SNAPC5: variants seen among roughly 807,000 people sequenced by gnomAD.
SNAPC5 encodes the protein small nuclear RNA activating complex polypeptide 5.
SNAPC5 carries 12 observed loss-of-function variants against 9.1 expected under a neutral mutation model. The observed-to-expected ratio is 1.32, with a 90% CI of 0.85 to 2.15. The LOEUF is 2.15. SNAPC5 is among the 30% of genes most tolerant of loss of function. The pLI is 0.00. For missense variants in SNAPC5, 132 were observed against 114.4 expected, an observed-to-expected ratio of 1.15 and a Z score of -0.70; for synonymous variants, 52 against 47.3, an observed-to-expected ratio of 1.10 and a Z score of -0.41.
Position 66,494,511 on chromosome 15 carries a change from T to C in SNAPC5, c.222A>G (p.Thr74=), listed in dbSNP as rs1299523916. Residue 74 remains threonine, a synonymous_variant, in exon 3 of 3, where the codon ACA becomes ACG. Coordinates refer to ENST00000316634, the MANE Select transcript of SNAPC5 (RefSeq NM_001329615.2). ...HVDNEASINQ[T]TLELSTKSHV... ...GACTCTTTGTGCTCAGCTCCAGGGT[T>C]GTTTGGTTGATTGATGCTTCATTGT... The C allele has an allele frequency of 6.2e-7, 1 of 1,614,074 alleles. No individual in the cohort carries two copies. Among genetic ancestry groups the C allele is most frequent in the Non-Finnish European group, 8.5e-7 (1 of 1,180,002 alleles).
At chr15:66,496,778 C>T (rs548435637) in intron 1 of SNAPC5, among the ~76,000 whole-genome samples, 1 of 152,102 alleles carries the variant, frequency 6.6e-6, no homozygotes, top group East Asian at 2.0e-4. Flanking sequence ...ATCGCTTGAG[C>T]TCAGGAGTTC....
At chr15:66,492,759 A>C (rs775537519), downstream of SNAPC5, among the ~76,000 whole-genome samples, 7 of 152,046 alleles carry the variant, frequency 4.6e-5, no homozygotes, top group Non-Finnish European at 7.4e-5. Context: ...TGAGCTCCCA[A>C]TGCCAGATTC....
intron 1 of SNAPC5, among the ~76,000 whole-genome samples, chr15:66,496,201 C>T (rs536357865): frequency 1.3e-5 from 2 of 152,338 alleles, no homozygotes; most frequent in Non-Finnish European, 2.9e-5. Flanking sequence ...CCCAGTGGCT[C>T]ACGCCTGTAA....
chr15:66,496,255 C>CA (rs2140702589), intron 1 of SNAPC5, among the ~76,000 whole-genome samples: 1 of 152,296 alleles, frequency 6.6e-6, no homozygotes, highest in South Asian at 2.1e-4. Flanking sequence ...CACCTGAGGT[C>CA]AGGAGTTCGA....
intron 1 of SNAPC5, among the ~76,000 whole-genome samples, chr15:66,496,339 C>G (rs1442872631): frequency 6.6e-6 from 1 of 152,028 alleles, no homozygotes; most frequent in Non-Finnish European, 1.5e-5. Context: ...GTGGCACATG[C>G]CTGTAATCCC....
At chr15:66,492,185 T>C (rs780672398), downstream of SNAPC5, 8 of 388,098 alleles carry the variant, frequency 2.1e-5, no homozygotes, top group African/African-American at 4.2e-5. Context: ...GGGAACTTCT[T>C]TTAGGTACAT....
chr15:66,490,915 C>CA, downstream of SNAPC5: 4 of 489,890 alleles, frequency 8.2e-6, no homozygotes, highest in Non-Finnish European at 1.5e-5. Flanking sequence ...TGTGGGTAGT[C>CA]ATTCTTACAA....
downstream of SNAPC5, chr15:66,491,185 C>A: frequency 3.8e-6 from 1 of 265,428 alleles, no homozygotes; most frequent in Admixed American, 4.8e-5. Flanking sequence ...AGCCAGAGCC[C>A]TTCACTGCCA....
At chr15:66,491,376 T>C, downstream of SNAPC5, 1 of 232,698 alleles carries the variant, frequency 4.3e-6, no homozygotes, top group Non-Finnish European at 8.5e-6. Context: ...TATTAAAATG[T>C]CGGATTTATC....
In SNAPC5 at chr15:66,497,645, G is replaced by C. The variant is rs200539325; in HGVS notation, c.87C>G (p.Leu29=). The C allele has an allele frequency of 1.2e-4, 197 of 1,613,972 alleles. 2 individuals carry two copies. Among genetic ancestry groups the C allele is most frequent in the South Asian group, 7.7e-4 (70 of 91,080 alleles). Residue 29 remains leucine, a synonymous_variant, in exon 1 of 3, where the codon CTC becomes CTG. Coordinates refer to ENST00000316634, the MANE Select transcript of SNAPC5 (RefSeq NM_001329615.2). ...CAGGAGAGGGCCGCGGGGTCACCTT[G>C]AGGCGGTTCAGCTGGTCGTGCAGGG... ...KAALHDQLNR[L]KVEELALQSM...
downstream of SNAPC5, chr15:66,492,390 T>A (rs533503370): frequency 1.3e-4 from 25 of 197,022 alleles, no homozygotes; most frequent in Non-Finnish European, 2.3e-4. Flanking sequence ...GCCAGGATTT[T>A]AAAAAAATGA....
chr15:66,496,695 A>AT (rs900321678), intron 1 of SNAPC5, among the ~76,000 whole-genome samples: 54 of 150,886 alleles, frequency 3.6e-4, no homozygotes, highest in African/African-American at 9.0e-4. Context: ...GCTAATTTTA[A>AT]TTTTTTTTTG....
chr15:66,495,039 A>G (rs991830130), intron 2 of SNAPC5: 10 of 431,794 alleles, frequency 2.3e-5, no homozygotes, highest in Non-Finnish European at 3.8e-5. Context: ...ACATCGTCCT[A>G]CAAAAATCTC....
At chr15:66,496,154 C>T (rs1567031425) in intron 1 of SNAPC5, among the ~76,000 whole-genome samples, 1 of 151,306 alleles carries the variant, frequency 6.6e-6, no homozygotes, top group East Asian at 2.0e-4. Context: ...GTAATCCTCA[C>T]CTCATATGGA....
chr15:66,497,609 T>A, intron 1 of SNAPC5, 33 bp downstream of exon 1: 1 of 1,594,084 alleles, frequency 6.3e-7, no homozygotes, highest in Non-Finnish European at 8.6e-7. Flanking sequence ...TCGGGAGGAA[T>A]GGAGGAGGGG....
At chr15:66,491,222 C>G (rs1381014872), downstream of SNAPC5, 5 of 252,300 alleles carry the variant, frequency 2.0e-5, no homozygotes, top group East Asian at 2.3e-4. Context: ...ACCAGTCTGT[C>G]TACTGTGGTG....
rs1206518654 is a variant in SNAPC5, at chr15:66,493,748, G to T, written c.*688C>A. ...CCAGAAATGGATTTCAAACCATCCT[G>T]TTGTATCTTTTCCTCAGAGAAGGAA... On this transcript the variant is annotated 3_prime_UTR_variant, in exon 3 of 3. Transcript: ENST00000316634. 1 of 152,224 alleles carries T rather than the reference G, an allele frequency of 6.6e-6. No individual in the cohort carries two copies. Among genetic ancestry groups the T allele is most frequent in the Non-Finnish European group, 1.5e-5 (1 of 68,056 alleles). The allele number at this position is 152,224 out of a possible 1,614,324, so 9.4% of individuals were successfully genotyped here.
downstream of SNAPC5, chr15:66,491,669 C>T (rs570262152): frequency 8.2e-5 from 19 of 232,596 alleles, no homozygotes; most frequent in Non-Finnish European, 1.2e-4. Flanking sequence ...AACAGGACAC[C>T]GAGTTCAGTG....
intron 1 of SNAPC5, among the ~76,000 whole-genome samples, chr15:66,496,394 G>A (rs1893434937): frequency 1.3e-5 from 2 of 152,224 alleles, no homozygotes; most frequent in African/African-American, 4.8e-5. Flanking sequence ...GAACCCGGGA[G>A]GCGGAGGTTG....
Sources: gnomAD v4.1 joint callset for allele counts (sites outside exome capture counted in the v4.1 genomes callset) on GRCh38, gnomAD v4.1.1 for gene constraint, MANE v1.5 for transcripts, NCBI Gene and HGNC (gene_info 2026-07-23, HGNC 2026-07-21) for gene names.